VIT: variants seen among roughly 807,000 people sequenced by gnomAD.
VIT encodes vitrin.
A neutral mutation model predicts 78.0 loss-of-function variants in VIT; 99 were observed. The observed-to-expected ratio is 1.27, with a 90% CI of 1.08 to 1.50. VIT has a LOEUF of 1.50. Among genes scored for constraint, VIT ranks in the 40% most tolerant of loss-of-function variants. The pLI is 0.00. For synonymous variants in VIT, 374 were observed against 334.3 expected (o/e 1.12, Z -1.29); for missense variants, 1,126 against 875.3 (o/e 1.29, Z -3.61).
intron 12 of VIT, among the ~76,000 whole-genome samples, chr2:36,800,302 G>A (rs1044396747): frequency 5.3e-5 from 8 of 152,226 alleles, no homozygotes; most frequent in South Asian, 2.1e-4. Context: ...CTGAGATCGC[G>A]CCACTGCACT....
intron 1 of VIT, among the ~76,000 whole-genome samples, chr2:36,701,896 A>G (rs1225522323): frequency 6.6e-6 from 1 of 152,184 alleles, no homozygotes; most frequent in Non-Finnish European, 1.5e-5. Context: ...TTTTTGGGCC[A>G]CCTCCATGTG....
At chr2:36,729,703 T>C (rs1215150810) in intron 3 of VIT, among the ~76,000 whole-genome samples, 1 of 152,242 alleles carries the variant, frequency 6.6e-6, no homozygotes, top group Non-Finnish European at 1.5e-5. Context: ...AAAGGATATG[T>C]AGTTCCCCTG....
chr2:36,808,783 C>T lies in VIT; in HGVS notation c.1701C>T (p.Tyr567=), dbSNP rs746927100. ...GGCTGGAGTTTGGGTTCGACAAGTA[C>T]AGCAGCAAGCCTGACATCCTCAACG... ...EQRLEFGFDK[Y]SSKPDILNAI... is the part of the protein sequence containing the mutation. The change falls in exon 15 of 16, where the codon TAC becomes TAT. Residue 567 remains tyrosine, a synonymous_variant. Transcript: ENST00000379242. 5.6e-6 allele frequency: 9 copies of T among 1,613,972 alleles called. No individual in the cohort carries two copies. Among genetic ancestry groups the T allele is most frequent in the Admixed American group, 1.7e-5 (1 of 60,010 alleles).
At chr2:36,782,753 G>A (rs542643107) in intron 10 of VIT, among the ~76,000 whole-genome samples, 5 of 152,230 alleles carry the variant, frequency 3.3e-5, no homozygotes, top group African/African-American at 4.8e-5. Flanking sequence ...CTGAGAGCAT[G>A]AAACCTTTTT....
At chr2:36,812,731 G>C (rs1229414261) in intron 15 of VIT, among the ~76,000 whole-genome samples, 1 of 152,146 alleles carries the variant, frequency 6.6e-6, no homozygotes, top group Non-Finnish European at 1.5e-5. Flanking sequence ...CAGGAAAGGA[G>C]ATGCTGACCC....
At chr2:36,774,252 G>A (rs934990845) in intron 8 of VIT, among the ~76,000 whole-genome samples, 9 of 137,270 alleles carry the variant, frequency 6.6e-5, no homozygotes, top group Non-Finnish European at 3.3e-5. Context: ...TCTATGCCAC[G>A]GGGGACAGAA....
chr2:36,789,009 C>T (rs1665297899), intron 12 of VIT, among the ~76,000 whole-genome samples: 2 of 152,106 alleles, frequency 1.3e-5, no homozygotes, highest in Admixed American at 1.3e-4. Context: ...AAGAGTTTAC[C>T]CCCATGCTTT....
chr2:36,774,868 C>T, intron 8 of VIT, 134 bp from the exon 9 acceptor site: 2 of 1,473,894 alleles, frequency 1.4e-6, no homozygotes, highest in South Asian at 1.4e-5. Context: ...CCCAGAAGTA[C>T]AACCAGGCAC....
At chr2:36,780,346 C>T (rs1664665000) in intron 9 of VIT, among the ~76,000 whole-genome samples, 1 of 152,118 alleles carries the variant, frequency 6.6e-6, no homozygotes. Flanking sequence ...GCAAGCAAGC[C>T]TTGGGCAAAA....
chr2:36,713,133 T>C (rs182549454), intron 1 of VIT, among the ~76,000 whole-genome samples: 68 of 152,300 alleles, frequency 4.5e-4, no homozygotes, highest in African/African-American at 1.5e-3. Context: ...ATAGGGTATA[T>C]TCATTGGTGG....
intron 1 of VIT, among the ~76,000 whole-genome samples, chr2:36,713,830 G>A (rs919450711): frequency 3.3e-5 from 5 of 152,190 alleles, no homozygotes; most frequent in Non-Finnish European, 5.9e-5. Flanking sequence ...GGCTGCACAG[G>A]TGGGTCCGAT....
chr2:36,777,653 T>C (rs1028833238), intron 9 of VIT, among the ~76,000 whole-genome samples: 1 of 152,154 alleles, frequency 6.6e-6, no homozygotes, highest in African/African-American at 2.4e-5. Context: ...TATACCTCTG[T>C]AGAAGCAGGT....
At chr2:36,730,722 A>T in intron 3 of VIT, among the ~76,000 whole-genome samples, 1 of 152,196 alleles carries the variant, frequency 6.6e-6, no homozygotes, top group East Asian at 1.9e-4. Flanking sequence ...TAAGCTGGAC[A>T]TTGAAGGGTG....
At chr2:36,706,395 G>T (rs995472199) in intron 1 of VIT, among the ~76,000 whole-genome samples, 1 of 152,082 alleles carries the variant, frequency 6.6e-6, no homozygotes. Flanking sequence ...CAAGTCAAAG[G>T]CTCAAAAACA....
intron 9 of VIT, among the ~76,000 whole-genome samples, chr2:36,781,251 T>A (rs1664732015): frequency 6.6e-6 from 1 of 152,186 alleles, no homozygotes; most frequent in Non-Finnish European, 1.5e-5. Flanking sequence ...GAGTGCTTAA[T>A]AAGTGTGGAT....
chr2:36,755,481 G>A (rs970078725), intron 5 of VIT, among the ~76,000 whole-genome samples: 1 of 152,086 alleles, frequency 6.6e-6, no homozygotes, highest in Non-Finnish European at 1.5e-5. Flanking sequence ...ATATCAAGAG[G>A]CATATAATGG....
At chr2:36,783,309 A>G in intron 10 of VIT, 31 bp from the exon 11 acceptor site, 1 of 1,612,762 alleles carries the variant, frequency 6.2e-7, no homozygotes, top group Non-Finnish European at 8.5e-7. Context: ...CTTTCCTTGT[A>G]AGTCACCAAA....
intron 15 of VIT, among the ~76,000 whole-genome samples, chr2:36,811,538 C>T (rs1667169251): frequency 6.6e-6 from 1 of 152,208 alleles, no homozygotes; most frequent in Non-Finnish European, 1.5e-5. Flanking sequence ...ATGTAATGAG[C>T]ATTGTGTTCC....
At chr2:36,800,490 G>A (rs1042854701) in intron 12 of VIT, among the ~76,000 whole-genome samples, 1 of 152,172 alleles carries the variant, frequency 6.6e-6, no homozygotes, top group African/African-American at 2.4e-5. Flanking sequence ...TCTGACTGAG[G>A]CTCTTCTGGA....
Sources: gnomAD v4.1 joint callset for allele counts (sites outside exome capture counted in the v4.1 genomes callset) on GRCh38, gnomAD v4.1.1 for gene constraint, MANE v1.5 for transcripts, NCBI Gene and HGNC (gene_info 2026-07-23, HGNC 2026-07-21) for gene names.